Variants in CUX1 observed in about 807,000 individuals in gnomAD.
The protein encoded by CUX1 is cut like homeobox 1.
CUX1 carries 31 observed loss-of-function variants against 158.8 expected under a neutral mutation model. The ratio of observed to expected loss-of-function variants is 0.20; its 90% CI spans 0.15 to 0.26. CUX1 has a LOEUF of 0.26. Ranked by LOEUF, CUX1 falls within the 10% of genes least tolerant of loss-of-function variation. CUX1 has a pLI of 1.00. For missense variants in CUX1, 1,589 were observed against 2,014.6 expected (o/e 0.79, Z 4.04); for synonymous variants, 879 against 862.1 (o/e 1.02, Z -0.34).
At chr7:102,171,590 G>A (rs1204553018) in intron 10 of CUX1, among the ~76,000 whole-genome samples, 4 of 151,904 alleles carry the variant, frequency 2.6e-5, no homozygotes, top group South Asian at 2.1e-4. Flanking sequence ...TGGGACTGCA[G>A]GCGCACACCA....
intron 18 of CUX1, 114 bp from the exon 19 acceptor site, chr7:102,204,277 T>C: frequency 2.2e-6 from 3 of 1,372,116 alleles, no homozygotes. Context: ...GGTTCTGTGC[T>C]CAGAAGTCAG....
chr7:102,075,740 T>C (rs1473966284), intron 4 of CUX1, among the ~76,000 whole-genome samples: 1 of 152,246 alleles, frequency 6.6e-6, no homozygotes, highest in Non-Finnish European at 1.5e-5. Context: ...AGAATGTATC[T>C]TTTATTGAGT....
At chr7:101,822,070 G>C (rs1219353021) in intron 1 of CUX1, among the ~76,000 whole-genome samples, 1 of 151,948 alleles carries the variant, frequency 6.6e-6, no homozygotes, top group Non-Finnish European at 1.5e-5. Flanking sequence ...TAGCCAGGAT[G>C]GTCTCGATCT....
Position 102,020,821 on chromosome 7 carries a change from A to G in CUX1, c.142-7277A>G, listed in dbSNP as rs531377265. 4.6e-5 allele frequency among the ~76,000 whole-genome samples: 7 copies of G among 151,986 alleles called. No individual in the cohort carries two copies. In the South Asian group the frequency reaches 1.2e-3, roughly 27 times the overall value. On this transcript the variant is annotated intron_variant, in intron 2 of 23. Transcript: ENST00000292535. ...CTTGAACCCAGGAGGCAGAGGTTGC[A>G]GTGAGCTGAGATCGCGCCACTGCAC...
chr7:101,961,085 T>TA (rs1231921140), intron 2 of CUX1: 3 of 152,206 alleles, frequency 2.0e-5, no homozygotes, highest in Non-Finnish European at 4.4e-5. Flanking sequence ...GAAATTGGCA[T>TA]TTGGAGAGTG....
intron 8 of CUX1, among the ~76,000 whole-genome samples, chr7:102,142,396 A>C (rs1257861132): frequency 1.3e-5 from 2 of 152,158 alleles, no homozygotes; most frequent in African/African-American, 4.8e-5. Flanking sequence ...ACACTAAAAC[A>C]TGAAGGAGAC....
chr7:101,946,197 G>A lies in CUX1; in HGVS notation c.141+29972G>A, dbSNP rs149491578. On this transcript the variant is annotated intron_variant, in intron 2 of 23. Transcript: ENST00000292535. Reference sequence around the variant, plus strand: ...TCAGACGGCAGCTTTCTCTGGACCCGGGTCAGGAAGAGAAGGGTTTCCAGC... The same window carrying A: ...TCAGACGGCAGCTTTCTCTGGACCCAGGTCAGGAAGAGAAGGGTTTCCAGC... Among the ~76,000 whole-genome samples, 3 of 152,238 alleles carry A rather than the reference G, an allele frequency of 2.0e-5. No homozygotes were observed. The East Asian group carries it at 5.8e-4, about 29-fold the overall frequency.
intron 2 of CUX1, among the ~76,000 whole-genome samples, chr7:101,957,387 T>C (rs1809906952): frequency 6.6e-6 from 1 of 152,234 alleles, no homozygotes; most frequent in Non-Finnish European, 1.5e-5. Flanking sequence ...TTCTTTGTTA[T>C]GCTTTTCTGT....
At chr7:102,073,437 C>T (rs1457234767) in intron 4 of CUX1, among the ~76,000 whole-genome samples, 1 of 152,062 alleles carries the variant, frequency 6.6e-6, no homozygotes, top group African/African-American at 2.4e-5. Context: ...CCTCCCAAAG[C>T]GCTAGGATTA....
At position 102,250,499 on chromosome 7, in the gene CUX1, A is replaced by G; in HGVS notation, c.*1457A>G. 3 of 985,450 alleles carry G rather than the reference A, an allele frequency of 3.0e-6. No individual in the cohort carries two copies. Among genetic ancestry groups the G allele is most frequent in the Non-Finnish European group, 3.6e-6 (3 of 829,978 alleles). 61.0% of individuals were successfully genotyped at this position (985,450 alleles called of 1,614,324 possible). ...CTTTTTCTTCCCACCGCAAGCACTGATGACCCTGTTGAACTCGTGGGAAAC... is the reference window on the plus strand; with the variant it reads ...CTTTTTCTTCCCACCGCAAGCACTGGTGACCCTGTTGAACTCGTGGGAAAC... On this transcript the variant is annotated 3_prime_UTR_variant, in exon 24 of 24. Transcript: ENST00000292535.
At position 102,249,239 on chromosome 7, in the gene CUX1, G is replaced by A. The variant is rs868947318; in HGVS notation, c.*197G>A. 7 of 1,087,188 alleles carry A rather than the reference G, an allele frequency of 6.4e-6. No homozygotes were observed. Among genetic ancestry groups the A allele is most frequent in the South Asian group, 4.5e-5 (1 of 22,226 alleles). The allele number at this position is 1,087,188 out of a possible 1,614,324, so 67.3% of individuals were successfully genotyped here. A position where few individuals can be genotyped will look rare whatever the true frequency, so the allele number is the denominator to read the frequency against. On this transcript the variant is annotated 3_prime_UTR_variant, in exon 24 of 24. Transcript: ENST00000292535. ...CGACCCGAGGCCCAGATCCAAGGCC[G>A]CGGCCCAGACCCACTCTGCGGCCCG...
At position 102,158,622 on chromosome 7, in the gene CUX1, C is replaced by A. The variant is rs782809079; in HGVS notation, c.723+14C>A. 6.2e-7 allele frequency: 1 copy of A among 1,613,772 alleles called. No homozygotes were observed. On this transcript the variant is annotated intron_variant, in intron 9 of 23. Coordinates refer to ENST00000292535, the MANE Select transcript of CUX1 (RefSeq NM_181552.4). ...AGGGCAAACCAGGTAGGACCCTGGA[C>A]GCTTTTAGTCCTAAAACCCACAATA...
At chr7:101,935,921 GAGCCGGAAC>G (rs1186766247) in intron 2 of CUX1, among the ~76,000 whole-genome samples, 1 of 152,168 alleles carries the variant, frequency 6.6e-6, no homozygotes, top group Non-Finnish European at 1.5e-5. Context: ...GACAGAGGTG[GAGCCGGAAC>G]AGCTGAGACA....
At position 102,209,017 on chromosome 7, in the gene CUX1, G is replaced by A. The variant is rs181113557; in HGVS notation, c.3130+3847G>A. Among the ~76,000 whole-genome samples, 127 of 152,322 alleles carry A rather than the reference G, an allele frequency of 8.3e-4. 1 individual carries two copies. Among genetic ancestry groups the A allele is most frequent in the Non-Finnish European group, 1.4e-3 (98 of 68,026 alleles). On this transcript the variant is annotated intron_variant, in intron 20 of 23. Transcript: ENST00000292535. ...GCAGTAAGGGAATCGGGCTTACAGC[G>A]GAGTCCGTGGGGGCGGATGGCTCTG...
At chr7:101,838,431 C>G (rs991159243) in intron 1 of CUX1, among the ~76,000 whole-genome samples, 1 of 151,032 alleles carries the variant, frequency 6.6e-6, no homozygotes, top group Non-Finnish European at 1.5e-5. Context: ...CACCTGGGCT[C>G]ACTCACCACA....
chr7:102,217,114 T>C (rs934939874), intron 20 of CUX1, among the ~76,000 whole-genome samples: 1 of 152,222 alleles, frequency 6.6e-6, no homozygotes, highest in South Asian at 2.1e-4. Context: ...TAAATCAGTA[T>C]GGATCTGCAG....
At chr7:101,984,660 G>A (rs1004433370) in intron 2 of CUX1, among the ~76,000 whole-genome samples, 8 of 152,136 alleles carry the variant, frequency 5.3e-5, no homozygotes, top group African/African-American at 1.2e-4. Context: ...ATGGGCAGTC[G>A]GGAGGGAACA....
intron 2 of CUX1, among the ~76,000 whole-genome samples, chr7:101,999,706 C>CT (rs2129271664): frequency 6.6e-6 from 1 of 152,340 alleles, no homozygotes; most frequent in South Asian, 2.1e-4. Context: ...AAGATTAAAC[C>CT]TTTCCAAGGC....
chr7:101,871,240 C>T (rs1798496818), intron 1 of CUX1, among the ~76,000 whole-genome samples: 4 of 151,784 alleles, frequency 2.6e-5, no homozygotes, highest in Admixed American at 2.6e-4. Context: ...CAGGCCTCTG[C>T]TTAACTGAAT....
Sources: allele counts gnomAD v4.1 joint callset (sites outside exome capture counted in the v4.1 genomes callset), GRCh38; gene constraint gnomAD v4.1.1; transcripts MANE v1.5; gene names NCBI Gene and HGNC (gene_info 2026-07-23, HGNC 2026-07-21).